CACNB2: variants seen among roughly 807,000 people sequenced by gnomAD.
CACNB2 encodes the protein calcium voltage-gated channel auxiliary subunit beta 2, also known as voltage-dependent L-type calcium channel subunit beta-2.
A neutral mutation model predicts 73.3 loss-of-function variants in CACNB2; 42 were observed. The observed-to-expected ratio is 0.57, with a 90% CI of 0.45 to 0.74. The LOEUF (loss-of-function observed/expected upper bound fraction) is 0.74, where lower values mean the gene tolerates loss of function less well. Among genes scored for constraint, CACNB2 ranks in the 30% least tolerant of loss-of-function variants. The pLI, the probability that CACNB2 is intolerant of heterozygous loss-of-function variation, is 0.00. For missense variants in CACNB2, 940 were observed against 853.0 expected, an observed-to-expected ratio of 1.10 and a Z score of -1.27; for synonymous variants, 348 against 310.3, an observed-to-expected ratio of 1.12 and a Z score of -1.28.
chr10:18,176,248 A>G (rs1308686826), intron 2 of CACNB2, among the ~76,000 whole-genome samples: 1 of 152,228 alleles, frequency 6.6e-6, no homozygotes, highest in East Asian at 1.9e-4. Flanking sequence ...ACCCACCAAT[A>G]TAAAATAGAA....
At chr10:18,382,316 A>G (rs1365270736) in intron 2 of CACNB2, among the ~76,000 whole-genome samples, 3 of 151,892 alleles carry the variant, frequency 2.0e-5, no homozygotes, top group Non-Finnish European at 1.5e-5. Flanking sequence ...CTGCTTAGAC[A>G]GTTGTATCTT....
chr10:18,279,048 G>A (rs887878926), intron 2 of CACNB2, among the ~76,000 whole-genome samples: 7 of 152,134 alleles, frequency 4.6e-5, no homozygotes, highest in South Asian at 2.1e-4. Flanking sequence ...GTTTTGGTTT[G>A]AAATTGAGCA....
intron 2 of CACNB2, among the ~76,000 whole-genome samples, chr10:18,199,263 G>A (rs756721418): frequency 6.6e-6 from 1 of 152,154 alleles, no homozygotes; most frequent in Non-Finnish European, 1.5e-5. Flanking sequence ...AATATACCAA[G>A]TCCCTTCCAT....
chr10:18,330,605 G>T (rs2040760740), intron 2 of CACNB2, among the ~76,000 whole-genome samples: 1 of 152,126 alleles, frequency 6.6e-6, no homozygotes, highest in South Asian at 2.1e-4. Context: ...ATGTGATTGT[G>T]CCACTTCCCT....
intron 3 of CACNB2, among the ~76,000 whole-genome samples, chr10:18,495,216 G>A (rs557151293): frequency 2.6e-5 from 4 of 151,492 alleles, no homozygotes; most frequent in Non-Finnish European, 5.9e-5. Context: ...ATGGTTGAGG[G>A]AGTCTTTTTT....
chr10:18,356,938 A>ATGTTTTT (rs1436280481), intron 2 of CACNB2, among the ~76,000 whole-genome samples: 3 of 94,434 alleles, frequency 3.2e-5, no homozygotes, highest in South Asian at 3.7e-4. Flanking sequence ...CCCAGACTCA[A>ATGTTTTT]TTTCTTTTTT....
At chr10:18,165,288 C>T (rs537329271) in intron 2 of CACNB2, among the ~76,000 whole-genome samples, 2 of 152,300 alleles carry the variant, frequency 1.3e-5, no homozygotes, top group East Asian at 1.9e-4. Flanking sequence ...GGATGGAAAG[C>T]GATGAGTTCC....
chr10:18,237,496 A>T (rs571635155), intron 2 of CACNB2, among the ~76,000 whole-genome samples: 7 of 152,208 alleles, frequency 4.6e-5, no homozygotes, highest in African/African-American at 1.4e-4. Flanking sequence ...GGTGTAGAAC[A>T]AGTTCTCCCC....
chr10:18,407,140 T>TTTTTTTTTTTTTGG (rs2044341754), intron 3 of CACNB2, among the ~76,000 whole-genome samples: 1 of 124,170 alleles, frequency 8.1e-6, no homozygotes, highest in Non-Finnish European at 1.7e-5. Context: ...TTTTTTTTTT[T>TTTTTTTTTTTTTGG]GAGACAGGGC....
intron 2 of CACNB2, among the ~76,000 whole-genome samples, chr10:18,190,690 C>G (rs1222851533): frequency 1.3e-5 from 2 of 152,090 alleles, no homozygotes; most frequent in Non-Finnish European, 2.9e-5. Flanking sequence ...CTACTGAAAC[C>G]TCATGATGGA....
chr10:18,324,761 C>T (rs2040519576), intron 2 of CACNB2, among the ~76,000 whole-genome samples: 2 of 152,166 alleles, frequency 1.3e-5, no homozygotes, highest in African/African-American at 4.8e-5. Flanking sequence ...GAGGCTGAGG[C>T]AGGAGAATTG....
At chr10:18,223,404 A>T (rs1228616542) in intron 2 of CACNB2, among the ~76,000 whole-genome samples, 1 of 152,216 alleles carries the variant, frequency 6.6e-6, no homozygotes, top group African/African-American at 2.4e-5. Context: ...CATTTAGCAT[A>T]TTTAATTTTT....
At chr10:18,220,224 T>TAGAGAGAGAG (rs1474379036) in intron 2 of CACNB2, among the ~76,000 whole-genome samples, 4 of 48,028 alleles carry the variant, frequency 8.3e-5, no homozygotes, top group Admixed American at 2.3e-4. Context: ...TATATATATA[T>TAGAGAGAGAG]ATATATATAG....
intron 2 of CACNB2, among the ~76,000 whole-genome samples, chr10:18,332,724 C>T (rs552692406): frequency 2.6e-5 from 4 of 152,230 alleles, no homozygotes; most frequent in African/African-American, 9.6e-5. Context: ...TAGTCCCTAG[C>T]ACAACTTGTA....
rs2046519476 is a variant in CACNB2, at chr10:18,442,970, GTGTATATATATATA to G, written c.333+40941_333+40954del. ...TATATATATATATGTATATATATAT[GTGTATATATATATA>G]TGTATATATATATGTGTATATATAT... On this transcript the variant is annotated intron_variant, in intron 3 of 13. Transcript: ENST00000324631. Among the ~76,000 whole-genome samples the G allele has an allele frequency of 3.3e-4, 7 of 21,372 alleles. 1 individual carries two copies. Among genetic ancestry groups the G allele is most frequent in the Admixed American group, 2.0e-3 (4 of 2,002 alleles). The allele number at this position is 21,372 out of a possible 152,430, so 14.0% of individuals were successfully genotyped here.
chr10:18,245,336 C>T (rs1233103051), intron 2 of CACNB2, among the ~76,000 whole-genome samples: 8 of 151,948 alleles, frequency 5.3e-5, no homozygotes, highest in African/African-American at 1.9e-4. Context: ...TGTTCTTATT[C>T]GAGACAGGGT....
intron 2 of CACNB2, among the ~76,000 whole-genome samples, chr10:18,193,670 C>G (rs1170732276): frequency 6.6e-6 from 1 of 152,174 alleles, no homozygotes; most frequent in Non-Finnish European, 1.5e-5. Context: ...ACAGCCCTCT[C>G]TCCTTGAAGA....
chr10:18,221,636 G>T (rs190804440), intron 2 of CACNB2, among the ~76,000 whole-genome samples: 2 of 152,134 alleles, frequency 1.3e-5, no homozygotes, highest in Non-Finnish European at 2.9e-5. Context: ...CTGAGATTGC[G>T]CCACTGCACT....
intron 1 of CACNB2, among the ~76,000 whole-genome samples, chr10:18,142,495 G>A (rs1301272053): frequency 2.0e-5 from 3 of 152,112 alleles, no homozygotes; most frequent in Admixed American, 6.5e-5. Context: ...CGGAGACCTC[G>A]GTTATTCTAG....
Sources: allele counts gnomAD v4.1 joint callset (sites outside exome capture counted in the v4.1 genomes callset), GRCh38; gene constraint gnomAD v4.1.1; transcripts MANE v1.5; gene names NCBI Gene and HGNC (gene_info 2026-07-23, HGNC 2026-07-21).